Variants in TSR1 observed in about 807,000 individuals in gnomAD.
The protein encoded by TSR1 is TSR1 ribosome maturation factor.
A neutral mutation model predicts 90.9 loss-of-function variants in TSR1; 81 were observed. That is an observed-to-expected ratio of 0.89 (90% CI 0.74 to 1.07). The LOEUF (loss-of-function observed/expected upper bound fraction) is 1.07. Ranked by LOEUF, TSR1 falls within the 50% of genes least tolerant of loss-of-function variation. TSR1 has a pLI of 0.00. For missense variants in TSR1, 989 were observed against 987.3 expected (o/e 1.00, Z -0.02); for synonymous variants, 362 against 348.8 (o/e 1.04, Z -0.42).
intron 8 of TSR1, among the ~76,000 whole-genome samples, 162 bp from the exon 9 acceptor site, chr17:2,331,271 T>C (rs1292424251): frequency 6.6e-6 from 1 of 152,218 alleles, no homozygotes; most frequent in East Asian, 1.9e-4. Context: ...TCCGAACAGC[T>C]TATAACAAGT....
At chr17:2,333,895 C>T (rs1296953040) in intron 5 of TSR1, among the ~76,000 whole-genome samples, 179 bp from the exon 6 acceptor site, 1 of 152,068 alleles carries the variant, frequency 6.6e-6, no homozygotes, top group Non-Finnish European at 1.5e-5. Context: ...TTTTAAGTCT[C>T]TGCTTGGCTC....
At chr17:2,329,599 G>C in intron 10 of TSR1, 124 bp from the exon 11 acceptor site, 2 of 1,205,862 alleles carry the variant, frequency 1.7e-6, no homozygotes, top group Non-Finnish European at 2.3e-6. Context: ...GCTAATTAAT[G>C]GTGGAGTGTA....
rs765541484 is a variant in TSR1, at chr17:2,334,884, T to C, written c.569A>G (p.Gln190Arg). The change falls in exon 5 of 15, where the codon CAG (glutamine) becomes CGG (arginine). Residue 190 changes from glutamine (Q) to arginine (R), a missense_variant. Transcript: ENST00000301364. ...QGLPTYTLAV[Q>R]GISGLPLKKQ... Reference sequence around the variant, plus strand: ...CTTCAGTGGGAGGCCAGAAATCCCCTGGACAGCTAGTGCTGTAAGCGAAAG... The same window carrying C: ...CTTCAGTGGGAGGCCAGAAATCCCCCGGACAGCTAGTGCTGTAAGCGAAAG... The C allele has an allele frequency of 2.5e-6, 4 of 1,611,604 alleles. No individual in the cohort carries two copies. The highest frequency in any genetic ancestry group is 1.3e-5 in the African/African-American group (1 of 75,018).
At chr17:2,331,741 A>T (rs2064005150) in intron 8 of TSR1, among the ~76,000 whole-genome samples, 1 of 152,196 alleles carries the variant, frequency 6.6e-6, no homozygotes, top group Non-Finnish European at 1.5e-5. Context: ...AGAATGGCCT[A>T]ATACATAGCC....
At chr17:2,331,666 T>C (rs1222701684) in intron 8 of TSR1, among the ~76,000 whole-genome samples, 11 of 152,194 alleles carry the variant, frequency 7.2e-5, no homozygotes, top group Admixed American at 7.2e-4. Flanking sequence ...TGCAGGACCA[T>C]GACCCAATTA....
Position 2,323,740 on chromosome 17 carries a change from AT to A in TSR1, c.*455del. ...GGAGTGGCTGCTGTGCTGTCTCAAC[AT>A]TTTCAAACTGTTTCCCCAGAAGTAA... On this transcript the variant is annotated 3_prime_UTR_variant, in exon 15 of 15. Transcript: ENST00000301364. 6.2e-7 allele frequency: 1 copy of A among 1,614,134 alleles called. No individual in the cohort carries two copies. Among genetic ancestry groups the A allele is most frequent in the Non-Finnish European group, 8.5e-7 (1 of 1,180,020 alleles).
chr17:2,334,247 C>T (rs1384774887), intron 5 of TSR1, among the ~76,000 whole-genome samples: 1 of 152,142 alleles, frequency 6.6e-6, no homozygotes, highest in Non-Finnish European at 1.5e-5. Flanking sequence ...GGAAAGCAAC[C>T]ACATCTTGAG....
At chr17:2,331,274 T>C (rs2064001489) in intron 8 of TSR1, among the ~76,000 whole-genome samples, 165 bp from the exon 9 acceptor site, 1 of 152,230 alleles carries the variant, frequency 6.6e-6, no homozygotes, top group Non-Finnish European at 1.5e-5. Context: ...GAACAGCTTA[T>C]AACAAGTTCT....
At chr17:2,330,288 C>T in intron 10 of TSR1, 1 of 664,180 alleles carries the variant, frequency 1.5e-6, no homozygotes. Context: ...TTGGAGAAGT[C>T]TCAGAACCAC....
chr17:2,324,392 C>G lies in TSR1; in HGVS notation c.2237-18G>C. On this transcript the variant is annotated intron_variant, in intron 14 of 14. Transcript: ENST00000301364. ...ATGGGTACCTAGAAAGACATCAGAA[C>G]AAGTCGGTCAAATTAAAAGTAGAAA... 6.3e-7 allele frequency: 1 copy of G among 1,590,476 alleles called. No homozygotes were observed.
In TSR1 at chr17:2,324,536, C is replaced by T; in HGVS notation, c.2204G>A (p.Trp735Ter). The T allele has an allele frequency of 6.2e-7, 1 of 1,614,234 alleles. No homozygotes were observed. Among genetic ancestry groups the T allele is most frequent in the Non-Finnish European group, 8.5e-7 (1 of 1,180,044 alleles). ...WFKPVELRTKWGRRGHIKEPL... is the reference protein window; with the variant it reads ...WFKPVELRTK ...TTCCTTGATATGTCCTCTCCGGCCC[C>T]ACTTCGTTCTCAGTTCCACTGGTTT... Residue 735 changes from tryptophan (W) to a stop codon, truncating the protein, a stop_gained, in exon 14 of 15, where the codon TGG becomes TAG. Transcript: ENST00000301364. LOFTEE classifies it high-confidence loss of function.
Position 2,335,342 on chromosome 17 carries a change from G to A in TSR1, c.474C>T (p.Phe158=), listed in dbSNP as rs1387120478. 2 of 1,613,794 alleles carry A rather than the reference G, an allele frequency of 1.2e-6. No individual in the cohort carries two copies. The highest frequency in any genetic ancestry group is 2.2e-5 in the East Asian group (1 of 44,844). ...CCCAGCCTTCTAGTGGATCAAGGAG[G>A]AACAGGATGGTATCAGCTACTTTAG... is the stretch of plus-strand genomic sequence containing the variant. The part of the protein sequence containing the change: ...DMAKVADTIL[F]LLDPLEGWDS... Residue 158 remains phenylalanine, a synonymous_variant, in exon 4 of 15, where the codon TTC becomes TTT. Coordinates refer to ENST00000301364, the MANE Select transcript of TSR1 (RefSeq NM_018128.5).
chr17:2,335,913 C>G, intron 2 of TSR1, 124 bp downstream of exon 2: 1 of 1,243,972 alleles, frequency 8.0e-7, no homozygotes. Flanking sequence ...CCTGCACGCT[C>G]GACACGTGCT....
Position 2,323,852 on chromosome 17 carries a change from T to C in TSR1, c.*344A>G, listed in dbSNP as rs761240669. 6.2e-7 allele frequency: 1 copy of C among 1,614,100 alleles called. No individual in the cohort carries two copies. The highest frequency in any genetic ancestry group is 1.7e-5 in the Admixed American group (1 of 60,026). On this transcript the variant is annotated 3_prime_UTR_variant, in exon 15 of 15. Transcript: ENST00000301364. ...TGAAGCAGGCTGAAAGGCCAGCTTC[T>C]TATCAGTCTGTTTCTGTTTAATTTA... is the stretch of plus-strand genomic sequence containing the variant.
intron 11 of TSR1, among the ~76,000 whole-genome samples, chr17:2,328,833 G>GT (rs2151440333): frequency 7.3e-6 from 1 of 137,042 alleles, no homozygotes; most frequent in African/African-American, 2.7e-5. Flanking sequence ...GGAAAATGGT[G>GT]TAAGTAAACC....
intron 14 of TSR1, 41 bp downstream of exon 14, chr17:2,324,463 G>A (rs2075561818): frequency 2.5e-6 from 4 of 1,613,828 alleles, no homozygotes; most frequent in Non-Finnish European, 3.4e-6. Flanking sequence ...TAGCAACACT[G>A]CAGAAATGCA....
intron 12 of TSR1, 26 bp from the exon 13 acceptor site, chr17:2,324,855 T>C (rs1292527686): frequency 2.5e-6 from 4 of 1,593,770 alleles, no homozygotes; most frequent in Non-Finnish European, 3.4e-6. Flanking sequence ...AAAGAAGCTA[T>C]TTAGGAATTT....
intron 9 of TSR1, among the ~76,000 whole-genome samples, 154 bp from the exon 10 acceptor site, chr17:2,330,779 C>A (rs1003330514): frequency 1.3e-5 from 2 of 152,206 alleles, no homozygotes; most frequent in Non-Finnish European, 2.9e-5. Context: ...CACACTTTTT[C>A]ATTTAACATA....
rs1247285944 is a variant in TSR1, at chr17:2,331,046, A to C, written c.1560T>G (p.Leu520=). ...RTSPWDPKEN[L]PQDYARIFQF... is the part of the protein sequence containing the mutation. ...GAAATATTCGAGCATAATCTTGAGG[A>C]AGGTTTTCCTTAGGATCCCATGGAG... Residue 520 remains leucine, a synonymous_variant, in exon 9 of 15, where the codon CTT becomes CTG. Transcript: ENST00000301364. The C allele has an allele frequency of 6.2e-7, 1 of 1,611,906 alleles. No individual in the cohort carries two copies. The highest frequency in any genetic ancestry group is 1.7e-5 in the Admixed American group (1 of 59,386).
Sources: allele counts gnomAD v4.1 joint callset (sites outside exome capture counted in the v4.1 genomes callset), GRCh38; gene constraint gnomAD v4.1.1; transcripts MANE v1.5; gene names NCBI Gene and HGNC (gene_info 2026-07-23, HGNC 2026-07-21).